RIMS1: variants seen among roughly 807,000 people sequenced by gnomAD.
The protein encoded by RIMS1 is regulating synaptic membrane exocytosis protein 1.
A neutral mutation model predicts 214.1 loss-of-function variants in RIMS1; 83 were observed. The observed-to-expected ratio is 0.39, with a 90% CI of 0.32 to 0.47. The LOEUF is 0.47. RIMS1 is among the 20% of genes least tolerant of loss of function. The pLI is 0.99. For missense variants in RIMS1, 2,050 were observed against 2,161.8 expected, an observed-to-expected ratio of 0.95 and a Z score of 1.03; for synonymous variants, 793 against 786.8, an observed-to-expected ratio of 1.01 and a Z score of -0.13.
At chr6:71,898,605 A>G (rs1004607672) in intron 1 of RIMS1, among the ~76,000 whole-genome samples, 3 of 152,124 alleles carry the variant, frequency 2.0e-5, no homozygotes, top group African/African-American at 7.2e-5. Flanking sequence ...TTCTCAGCTC[A>G]CCTGCAAATA....
intron 1 of RIMS1, among the ~76,000 whole-genome samples, chr6:71,904,704 C>G (rs983023895): frequency 1.3e-5 from 2 of 152,120 alleles, no homozygotes; most frequent in Non-Finnish European, 2.9e-5. Context: ...ATCAAGTCAA[C>G]TATAGGATGA....
chr6:72,187,061 G>A (rs927585684), intron 6 of RIMS1, among the ~76,000 whole-genome samples: 8 of 152,182 alleles, frequency 5.3e-5, no homozygotes, highest in Admixed American at 1.3e-4. Flanking sequence ...GTGAGGTGGA[G>A]GTTGCGGTGA....
intron 6 of RIMS1, among the ~76,000 whole-genome samples, chr6:72,214,378 A>G (rs2054808711): frequency 6.6e-6 from 1 of 151,774 alleles, no homozygotes; most frequent in Non-Finnish European, 1.5e-5. Context: ...TACTTGATAA[A>G]CCCTGTTTGG....
At chr6:72,252,858 G>A (rs1365111203) in intron 16 of RIMS1, 26 bp downstream of exon 16, 2 of 1,515,972 alleles carry the variant, frequency 1.3e-6, no homozygotes, top group South Asian at 1.2e-5. Flanking sequence ...GCATGACCCT[G>A]CTTCACTGTG....
chr6:72,400,745 C>T lies in RIMS1; in HGVS notation c.*31C>T, dbSNP rs117625348. 6.7e-7 allele frequency: 1 copy of T among 1,490,178 alleles called. No homozygotes were observed. Among genetic ancestry groups the T allele is most frequent in the East Asian group, 2.3e-5 (1 of 44,042 alleles). The allele number at this position is 1,490,178 out of a possible 1,614,324, so 92.3% of individuals were successfully genotyped here. Reference sequence around the variant, plus strand: ...TCATACCAGAGTCATTCCAATAAAACTCTACTTTTCAGGATAATAATCTGA... The same window carrying T: ...TCATACCAGAGTCATTCCAATAAAATTCTACTTTTCAGGATAATAATCTGA... On this transcript the variant is annotated 3_prime_UTR_variant, in exon 34 of 34. Transcript: ENST00000521978.
intron 1 of RIMS1, among the ~76,000 whole-genome samples, chr6:71,920,074 T>C (rs1298404207): frequency 6.6e-6 from 1 of 152,204 alleles, no homozygotes; most frequent in Non-Finnish European, 1.5e-5. Context: ...CCAGTTAATA[T>C]AAGATTCAAA....
rs763578063 is a variant in RIMS1 at position 72,235,219 on chromosome 6, GTCC to G, written c.1747-394_1747-392del. ...TTTCTTTGTATTGGGAACATTCAAT[GTCC>G]TCCTTCTAGCTTTTGGAAACTATAT... On this transcript the variant is annotated intron_variant, in intron 7 of 33. Coordinates refer to ENST00000521978, the MANE Select transcript of RIMS1 (RefSeq NM_014989.7). Among the ~76,000 whole-genome samples, 20 of 152,068 alleles carry G rather than the reference GTCC, an allele frequency of 1.3e-4. No individual in the cohort carries two copies. In the East Asian group the frequency reaches 2.3e-3, roughly 18 times the overall value.
At chr6:72,347,176 C>A (rs2097293838) in intron 29 of RIMS1, among the ~76,000 whole-genome samples, 1 of 151,778 alleles carries the variant, frequency 6.6e-6, no homozygotes, top group African/African-American at 2.4e-5. Flanking sequence ...TTTATATCTT[C>A]AACTTTGCCC....
At chr6:71,914,111 C>T (rs1777671835) in intron 1 of RIMS1, among the ~76,000 whole-genome samples, 1 of 152,080 alleles carries the variant, frequency 6.6e-6, no homozygotes, top group Admixed American at 6.6e-5. Flanking sequence ...GATGAATGTG[C>T]AATATATAGT....
chr6:72,320,471 C>T lies in RIMS1; in HGVS notation c.4130+6799C>T, dbSNP rs72933550. 3.7e-3 allele frequency among the ~76,000 whole-genome samples: 566 copies of T among 152,196 alleles called. 1 individual carries two copies. Among genetic ancestry groups the T allele is most frequent in the Non-Finnish European group, 6.7e-3 (452 of 67,958 alleles). On this transcript the variant is annotated intron_variant, in intron 28 of 33. Coordinates refer to ENST00000521978, the MANE Select transcript of RIMS1 (RefSeq NM_014989.7). ...GGCACAGTAAATTCTAGTGCTATTA[C>T]TTCCAAGGAGAAAATTAAAATATGA... is the stretch of plus-strand genomic sequence containing the variant.
intron 26 of RIMS1, among the ~76,000 whole-genome samples, chr6:72,298,069 G>A (rs534301385): frequency 6.6e-6 from 1 of 152,078 alleles, no homozygotes; most frequent in South Asian, 2.1e-4. Flanking sequence ...CAGTTTGTCA[G>A]GGACTGAGGG....
At chr6:72,360,089 T>G (rs1053557081) in intron 29 of RIMS1, among the ~76,000 whole-genome samples, 4 of 152,196 alleles carry the variant, frequency 2.6e-5, no homozygotes, top group African/African-American at 9.6e-5. Context: ...GTCAGAGTTT[T>G]GTTCACCCTC....
At chr6:72,116,589 C>T (rs1235537291) in intron 4 of RIMS1, among the ~76,000 whole-genome samples, 1 of 151,914 alleles carries the variant, frequency 6.6e-6, no homozygotes, top group Non-Finnish European at 1.5e-5. Context: ...GGTCTGCAAA[C>T]TTTTTCTGTA....
chr6:72,289,968 A>G (rs1212069661), intron 24 of RIMS1, among the ~76,000 whole-genome samples: 1 of 152,190 alleles, frequency 6.6e-6, no homozygotes, highest in African/African-American at 2.4e-5. Context: ...TGGCTTTATA[A>G]TAATTTTAAA....
chr6:72,290,732 A>G lies in RIMS1; in HGVS notation c.3608A>G (p.Asp1203Gly), dbSNP rs989923682. Reference sequence around the variant, plus strand: ...GGACACGCAGCCCCAAGAGCAACTGATCAGCCAGTCATTAGGGGAAAACAT... The same window carrying G: ...GGACACGCAGCCCCAAGAGCAACTGGTCAGCCAGTCATTAGGGGAAAACAT... ...RRGHAAPRAT[D>G]QPVIRGKHPA... The change falls in exon 25 of 34, where the codon GAT becomes GGT. Residue 1203 changes from aspartate (D) to glycine (G), a missense_variant. Physicochemically the swap from Asp to Gly is moderately conservative, Grantham distance 94. Coordinates refer to ENST00000521978, the MANE Select transcript of RIMS1 (RefSeq NM_014989.7). The G allele has an allele frequency of 6.2e-7, 1 of 1,613,826 alleles. No individual in the cohort carries two copies. The highest frequency in any genetic ancestry group is 8.5e-7 in the Non-Finnish European group (1 of 1,179,792).
At chr6:72,063,693 A>C (rs1272627987) in intron 2 of RIMS1, among the ~76,000 whole-genome samples, 1 of 152,196 alleles carries the variant, frequency 6.6e-6, no homozygotes, top group Non-Finnish European at 1.5e-5. Context: ...TCTAGGTGGA[A>C]TTTCACATTT....
chr6:72,398,618 T>C (rs2098805621), intron 32 of RIMS1, among the ~76,000 whole-genome samples: 1 of 146,224 alleles, frequency 6.8e-6, no homozygotes, highest in Non-Finnish European at 1.6e-5. Flanking sequence ...TTATTTTCTT[T>C]TTGCACACTT....
intron 2 of RIMS1, among the ~76,000 whole-genome samples, chr6:72,056,023 C>G (rs1826063545): frequency 6.6e-6 from 1 of 151,776 alleles, no homozygotes; most frequent in Non-Finnish European, 1.5e-5. Context: ...AAATGCCCAT[C>G]AATAGTAGAC....
intron 2 of RIMS1, among the ~76,000 whole-genome samples, chr6:72,006,393 C>T (rs1003026039): frequency 1.3e-5 from 2 of 152,278 alleles, no homozygotes; most frequent in South Asian, 4.2e-4. Flanking sequence ...TCTACAGCTC[C>T]CAGCGTGAGC....
Sources: gnomAD v4.1 joint callset for allele counts (sites outside exome capture counted in the v4.1 genomes callset) on GRCh38, gnomAD v4.1.1 for gene constraint, MANE v1.5 for transcripts, NCBI Gene and HGNC (gene_info 2026-07-23, HGNC 2026-07-21) for gene names.